The following XPO4 variants were observed in gnomAD, a reference collection of about 807,000 sequenced individuals.
XPO4 encodes the protein exportin 4.
In XPO4, 39 loss-of-function variants were observed where a neutral mutation model predicts 143.0. That is an observed-to-expected ratio of 0.27 (90% CI 0.21 to 0.36). XPO4 has a LOEUF of 0.36. XPO4 is among the 10% of genes least tolerant of loss of function. The probability of loss-of-function intolerance (pLI) is 1.00; values close to 1 mark genes in which losing one functional copy is unlikely to be tolerated. For synonymous variants in XPO4, 439 were observed against 474.0 expected (o/e 0.93, Z 0.96); for missense variants, 907 against 1,348.0 (o/e 0.67, Z 5.12).
chr13:20,851,998 C>A, intron 4 of XPO4: 1 of 985,394 alleles, frequency 1.0e-6, no homozygotes, highest in Non-Finnish European at 1.2e-6. Flanking sequence ...GCAGAGAACT[C>A]AGTTCCCAAG....
rs7995385 is a variant in XPO4 at position 20,799,807 on chromosome 13, A to G, written c.2147+349T>C. ...TTTTACTTTCCAACATTAAATTTTA[A>G]ATATCAGTATTTAATCTTTAAAATG... On this transcript the variant is annotated intron_variant, in intron 15 of 22. Coordinates refer to ENST00000255305, the MANE Select transcript of XPO4 (RefSeq NM_022459.5). 4.3e-3 allele frequency among the ~76,000 whole-genome samples: 654 copies of G among 152,358 alleles called. 7 individuals carry two copies. The highest frequency in any genetic ancestry group is 0.015 in the African/African-American group (626 of 41,578).
intron 4 of XPO4, chr13:20,853,100 G>C: frequency 1.1e-6 from 1 of 951,116 alleles, no homozygotes; most frequent in Non-Finnish European, 1.3e-6. Context: ...GGAAGGCTGA[G>C]GCAAGAGATC....
chr13:20,835,160 T>C (rs1285343672), intron 6 of XPO4, among the ~76,000 whole-genome samples: 1 of 152,128 alleles, frequency 6.6e-6, no homozygotes, highest in Non-Finnish European at 1.5e-5. Context: ...TTAGCCACCA[T>C]GTGCTGCCTC....
intron 2 of XPO4, chr13:20,865,971 TG>T: frequency 1.1e-6 from 1 of 931,038 alleles, no homozygotes; most frequent in Non-Finnish European, 1.3e-6. Flanking sequence ...TGTTTTGTTT[TG>T]GCACTTGTGA....
chr13:20,838,671 G>C (rs2059943725), intron 6 of XPO4, among the ~76,000 whole-genome samples: 2 of 151,450 alleles, frequency 1.3e-5, no homozygotes, highest in South Asian at 2.1e-4. Flanking sequence ...GCCCAGGCTG[G>C]AGTGCAGTGG....
rs575495710 is a variant in XPO4, at chr13:20,857,868, T to A, written c.318-2103A>T. The A allele has an allele frequency of 2.9e-4, 286 of 985,392 alleles. 1 individual carries two copies. The African/African-American group carries it at 4.9e-3, about 17-fold the overall frequency. 61.0% of individuals were successfully genotyped at this position (985,392 alleles called of 1,614,324 possible). A position where few individuals can be genotyped will look rare whatever the true frequency, so the allele number is the denominator to read the frequency against. On this transcript the variant is annotated intron_variant, in intron 3 of 22. Transcript: ENST00000255305. The stretch of plus-strand genomic sequence containing the variant: ...CACTTGCCTCTTTCATAAAGGACAT[T>A]GTGCATTTCACTGTATACAAATTTT...
At chr13:20,802,969 G>A (rs2059454706) in intron 13 of XPO4, among the ~76,000 whole-genome samples, 1 of 152,040 alleles carries the variant, frequency 6.6e-6, no homozygotes, top group Non-Finnish European at 1.5e-5. Context: ...AACTTAGTAG[G>A]GTTCTTTCCC....
chr13:20,842,814 C>A, intron 6 of XPO4, 81 bp downstream of exon 6: 1 of 1,247,952 alleles, frequency 8.0e-7, no homozygotes, highest in Non-Finnish European at 1.1e-6. Flanking sequence ...ATGAAAGCTG[C>A]AGAGGTGAAA....
chr13:20,790,237 G>A (rs750468809), intron 19 of XPO4, among the ~76,000 whole-genome samples: 1 of 152,230 alleles, frequency 6.6e-6, no homozygotes, highest in Non-Finnish European at 1.5e-5. Flanking sequence ...AGTCACTAAT[G>A]TATGGGTGCC....
intron 4 of XPO4, chr13:20,848,516 T>A: frequency 1.0e-6 from 1 of 985,430 alleles, no homozygotes; most frequent in African/African-American, 1.7e-5. Context: ...GAAGGTAAAG[T>A]AGCAGCTGTA....
At chr13:20,810,810 T>C (rs772113535) in intron 9 of XPO4, among the ~76,000 whole-genome samples, 2 of 152,246 alleles carry the variant, frequency 1.3e-5, no homozygotes, top group Non-Finnish European at 2.9e-5. Flanking sequence ...CGCTTCAAGA[T>C]AGTCTCAGTG....
chr13:20,901,704 C>T (rs138940882), intron 1 of XPO4, among the ~76,000 whole-genome samples: 8 of 152,264 alleles, frequency 5.3e-5, no homozygotes, highest in Non-Finnish European at 1.0e-4. Flanking sequence ...ATGTGATGCT[C>T]AAACACCCTA....
At chr13:20,851,627 T>A (rs2060087677) in intron 4 of XPO4, 1 of 537,438 alleles carries the variant, frequency 1.9e-6, no homozygotes, top group South Asian at 8.2e-5. Flanking sequence ...AAGAATCACC[T>A]GAGCATGGGG....
chr13:20,877,281 G>A (rs1020839767), intron 1 of XPO4, among the ~76,000 whole-genome samples: 2 of 152,172 alleles, frequency 1.3e-5, no homozygotes, highest in African/African-American at 4.8e-5. Flanking sequence ...TCCTTCCTTA[G>A]TAACAAGACC....
rs2059794285 is a variant in XPO4, at chr13:20,827,089, C to G, written c.818G>C (p.Arg273Thr). The G allele has an allele frequency of 1.9e-6, 3 of 1,613,490 alleles. No individual in the cohort carries two copies. The highest frequency in any genetic ancestry group is 2.5e-6 in the Non-Finnish European group (3 of 1,179,594). The change falls in exon 7 of 23, where the codon AGA (arginine) becomes ACA (threonine). Residue 273 changes from arginine to threonine, a missense_variant. Transcript: ENST00000255305. ...TACTGTGAAGAAAAGCTCCATAACTCTGCTGTCCAGAAGAGTCTCCCGCCA... is the reference window on the plus strand; with the variant it reads ...TACTGTGAAGAAAAGCTCCATAACTGTGCTGTCCAGAAGAGTCTCCCGCCA... ...ESWRETLLDS[R>T]VMELFFTVHR...
intron 4 of XPO4, chr13:20,852,106 A>G: frequency 1.0e-6 from 1 of 985,434 alleles, no homozygotes; most frequent in Non-Finnish European, 1.2e-6. Context: ...GGCAGGCCGC[A>G]TAAATTCTAC....
In XPO4 at chr13:20,804,951, G is replaced by GTT. The variant is rs61182275; in HGVS notation, c.1817+2504_1817+2505dup. On this transcript the variant is annotated intron_variant, in intron 13 of 22. Coordinates refer to ENST00000255305, the MANE Select transcript of XPO4 (RefSeq NM_022459.5). ...TTACTCTCGGGTTTTTTTGCATTTT[G>GTT]TTTTTTTTTTTGAGACAGGGTCTTG... is the stretch of plus-strand genomic sequence containing the variant. Among the ~76,000 whole-genome samples, 1,358 of 145,604 alleles carry GTT rather than the reference G, an allele frequency of 9.3e-3. 6 individuals carry two copies. Among genetic ancestry groups the GTT allele is most frequent in the Middle Eastern group, 0.021 (6 of 288 alleles).
At chr13:20,841,418 A>T (rs1457935276) in intron 6 of XPO4, among the ~76,000 whole-genome samples, 13 of 152,188 alleles carry the variant, frequency 8.5e-5, no homozygotes. Flanking sequence ...GAAAGGGGAA[A>T]TTTTTTAAAA....
chr13:20,801,637 A>C (rs1855634189), intron 13 of XPO4, among the ~76,000 whole-genome samples: 1 of 152,230 alleles, frequency 6.6e-6, no homozygotes, highest in Non-Finnish European at 1.5e-5. Flanking sequence ...CATGCAGACA[A>C]ACAGAAATGT....
Sources: allele counts gnomAD v4.1 joint callset (sites outside exome capture counted in the v4.1 genomes callset), GRCh38; gene constraint gnomAD v4.1.1; transcripts MANE v1.5; gene names NCBI Gene and HGNC (gene_info 2026-07-23, HGNC 2026-07-21).